CEP97: variants seen among roughly 807,000 people sequenced by gnomAD.
CEP97 encodes the protein centrosomal protein 97.
Under a neutral mutation model 73.1 loss-of-function variants are expected in CEP97, and 43 were observed. The ratio of observed to expected loss-of-function variants is 0.59; its 90% confidence interval spans 0.46 to 0.76. The LOEUF (loss-of-function observed/expected upper bound fraction) is 0.76, where lower values mean the gene tolerates loss of function less well. Among genes scored for constraint, CEP97 ranks in the 30% least tolerant of loss-of-function variants. The pLI is 0.00. For missense variants in CEP97, 939 were observed against 1,014.0 expected (o/e 0.93, Z 1.00); for synonymous variants, 337 against 370.0 (o/e 0.91, Z 1.02).
At chr3:101,726,803 ACCTG>A in intron 2 of CEP97, 67 bp downstream of exon 2, 2 of 1,236,882 alleles carry the variant, frequency 1.6e-6, no homozygotes, top group Admixed American at 2.5e-5. Context: ...CAATAAAATA[ACCTG>A]ACAAAAAGTA....
intron 6 of CEP97, among the ~76,000 whole-genome samples, chr3:101,755,210 A>G (rs935584896): frequency 3.3e-5 from 5 of 152,196 alleles, no homozygotes; most frequent in Admixed American, 1.3e-4. Flanking sequence ...TCCAAGCTCA[A>G]TGGAAGTGCC....
Position 101,757,714 on chromosome 3 carries a change from G to A in CEP97, c.1108G>A (p.Ala370Thr). The A allele has an allele frequency of 1.2e-6, 2 of 1,614,212 alleles. No individual in the cohort carries two copies. Among genetic ancestry groups the A allele is most frequent in the South Asian group, 2.2e-5 (2 of 91,090 alleles). ...QLFAVKNNFP[A>T]SVHTTRYSRN... ...ATTTGCGGTTAAGAATAATTTTCCAGCCTCTGTACACACTACGAGATATTC... is the reference window on the plus strand; with the variant it reads ...ATTTGCGGTTAAGAATAATTTTCCAACCTCTGTACACACTACGAGATATTC... The change falls in exon 9 of 11, where the codon GCC becomes ACC. Residue 370 changes from alanine (A) to threonine (T), a missense_variant. Coordinates refer to ENST00000341893, the MANE Select transcript of CEP97 (RefSeq NM_024548.4).
At position 101,766,234 on chromosome 3, in the gene CEP97, A is replaced by C. The variant is rs1379433922; in HGVS notation, c.*683A>C. The C allele has an allele frequency of 6.6e-6, 1 of 152,246 alleles. No individual in the cohort carries two copies. Among genetic ancestry groups the C allele is most frequent in the African/African-American group, 2.4e-5 (1 of 41,468 alleles). The allele number at this position is 152,246 out of a possible 1,614,324, so 9.4% of individuals were successfully genotyped here. ...AGTGTTCTATCCAGGATTAAAGTCA[A>C]GTTTACTTAGGCAACACAAGAATAT... On this transcript the variant is annotated 3_prime_UTR_variant, in exon 11 of 11. Transcript: ENST00000341893.
Position 101,769,930 on chromosome 3 carries a change from A to G in CEP97, c.*4379A>G, listed in dbSNP as rs1939418670. 1 of 152,254 alleles carries G rather than the reference A, an allele frequency of 6.6e-6. No individual in the cohort carries two copies. Among genetic ancestry groups the G allele is most frequent in the South Asian group, 2.1e-4 (1 of 4,838 alleles). The allele number at this position is 152,254 out of a possible 1,614,324, so 9.4% of individuals were successfully genotyped here. A position where few individuals can be genotyped will look rare whatever the true frequency, so the allele number is the denominator to read the frequency against. ...GTCTTCTTAAGATGAGGTGCTTTTTATCTGTGGATGAATGGAAATCACACT... is the reference window on the plus strand; with the variant it reads ...GTCTTCTTAAGATGAGGTGCTTTTTGTCTGTGGATGAATGGAAATCACACT... On this transcript the variant is annotated 3_prime_UTR_variant, in exon 11 of 11. Coordinates refer to ENST00000341893, the MANE Select transcript of CEP97 (RefSeq NM_024548.4).
chr3:101,725,132 A>T (rs1937837406), intron 1 of CEP97, among the ~76,000 whole-genome samples: 1 of 152,080 alleles, frequency 6.6e-6, no homozygotes, highest in Admixed American at 6.5e-5. Flanking sequence ...CATCAGGAAA[A>T]CCTTCCCTCA....
At position 101,731,943 on chromosome 3, in the gene CEP97, A is replaced by T. The variant is rs201862164; in HGVS notation, c.551A>T (p.Asp184Val). 6.3e-7 allele frequency: 1 copy of T among 1,581,660 alleles called. No homozygotes were observed. Among genetic ancestry groups the T allele is most frequent in the Non-Finnish European group, 8.7e-7 (1 of 1,151,128 alleles). ...ILSLAENEIRDLNEISFLASL... is the reference protein window; with the variant it reads ...ILSLAENEIRVLNEISFLASL... Reference sequence around the variant, plus strand: ...TCTTTGGCAGAAAATGAAATCCGAGACTTAAATGAGGTAAAATTTGAGGGT... The same window carrying T: ...TCTTTGGCAGAAAATGAAATCCGAGTCTTAAATGAGGTAAAATTTGAGGGT... The change falls in exon 5 of 11, where the codon GAC (aspartate) becomes GTC (valine). Residue 184 changes from aspartate (D) to valine (V), a missense_variant. By Grantham distance (152) the Asp-to-Val change is radical. Coordinates refer to ENST00000341893, the MANE Select transcript of CEP97 (RefSeq NM_024548.4).
At position 101,745,887 on chromosome 3, in the gene CEP97, C is replaced by T. The variant is rs575485101; in HGVS notation, c.729-9543C>T. 4.6e-5 allele frequency among the ~76,000 whole-genome samples: 7 copies of T among 152,142 alleles called. No individual in the cohort carries two copies. The South Asian group carries it at 1.5e-3, about 32-fold the overall frequency. ...ATCATCTAGCATTAGGTATATCTCC[C>T]AATGCTATCCCTCCCTGCTCCCCCC... is the stretch of plus-strand genomic sequence containing the variant. On this transcript the variant is annotated intron_variant, in intron 6 of 10. Coordinates refer to ENST00000341893, the MANE Select transcript of CEP97 (RefSeq NM_024548.4).
In CEP97 at chr3:101,752,986, CCA is replaced by C. The variant is rs1938882742; in HGVS notation, c.729-2443_729-2442del. Among the ~76,000 whole-genome samples, 3 of 152,106 alleles carry C rather than the reference CCA, an allele frequency of 2.0e-5. No individual in the cohort carries two copies. In the South Asian group the frequency reaches 6.2e-4, roughly 32 times the overall value. On this transcript the variant is annotated intron_variant, in intron 6 of 10. Transcript: ENST00000341893. ...AGAGGTGCTCTGGTTTTTAGAGTTT[CCA>C]GTTTTTCTGCTCTGTTTTTTCCCCA...
rs1333462125 is a variant in CEP97, at chr3:101,768,666, C to G, written c.*3115C>G. On this transcript the variant is annotated 3_prime_UTR_variant, in exon 11 of 11. Coordinates refer to ENST00000341893, the MANE Select transcript of CEP97 (RefSeq NM_024548.4). ...GCCTGGACAACATAGCAAGACCCCCCTCTCTACAAAAAAAATTTTTTTCTG... is the reference window on the plus strand; with the variant it reads ...GCCTGGACAACATAGCAAGACCCCCGTCTCTACAAAAAAAATTTTTTTCTG... 6.6e-6 allele frequency: 1 copy of G among 152,072 alleles called. No individual in the cohort carries two copies. The highest frequency in any genetic ancestry group is 1.5e-5 in the Non-Finnish European group (1 of 68,014). The allele number at this position is 152,072 out of a possible 1,614,324, so 9.4% of individuals were successfully genotyped here.
intron 6 of CEP97, among the ~76,000 whole-genome samples, chr3:101,740,408 A>G (rs1164170876): frequency 6.6e-6 from 1 of 152,208 alleles, no homozygotes; most frequent in Non-Finnish European, 1.5e-5. Flanking sequence ...ACAACTTACA[A>G]GGGATGTAAA....
chr3:101,758,669 A>G, intron 9 of CEP97: 1 of 478,260 alleles, frequency 2.1e-6, no homozygotes. Flanking sequence ...TAAATGTTCA[A>G]TGAACGTGAG....
intron 10 of CEP97, among the ~76,000 whole-genome samples, chr3:101,763,391 A>G (rs571773366): frequency 6.6e-6 from 1 of 152,074 alleles, no homozygotes; most frequent in South Asian, 2.1e-4. Flanking sequence ...CCAAAATAAT[A>G]CTGTTTAGTA....
At chr3:101,751,333 CTG>C (rs1368864216) in intron 6 of CEP97, among the ~76,000 whole-genome samples, 1 of 152,100 alleles carries the variant, frequency 6.6e-6, no homozygotes, top group Non-Finnish European at 1.5e-5. Context: ...TTACTTCTAA[CTG>C]TGTGGTCAAT....
intron 10 of CEP97, among the ~76,000 whole-genome samples, chr3:101,764,426 A>C (rs1939252977): frequency 6.6e-6 from 1 of 152,174 alleles, no homozygotes; most frequent in African/African-American, 2.4e-5. Context: ...AGCCTGACCA[A>C]CATGGGGAAA....
chr3:101,728,419 C>T (rs1176456744), intron 3 of CEP97, among the ~76,000 whole-genome samples: 1 of 152,062 alleles, frequency 6.6e-6, no homozygotes, highest in Non-Finnish European at 1.5e-5. Flanking sequence ...GCCCACCATG[C>T]CTGGCTAATT....
chr3:101,750,746 A>T (rs973846169), intron 6 of CEP97, among the ~76,000 whole-genome samples: 32 of 152,078 alleles, frequency 2.1e-4, no homozygotes, highest in African/African-American at 7.7e-4. Context: ...TTTCTGTAGG[A>T]TCGGTGGTGA....
intron 7 of CEP97, 107 bp from the exon 8 acceptor site, chr3:101,756,956 T>G: frequency 9.6e-7 from 1 of 1,042,984 alleles, no homozygotes; most frequent in South Asian, 1.8e-5. Context: ...AAGTACCTAC[T>G]TTGAGAACTT....
chr3:101,737,867 T>C (rs573112509), intron 6 of CEP97, among the ~76,000 whole-genome samples: 1 of 152,102 alleles, frequency 6.6e-6, no homozygotes, highest in South Asian at 2.1e-4. Flanking sequence ...AAATGGGCTA[T>C]TAGCCCAATT....
chr3:101,733,272 C>T (rs910228507), intron 6 of CEP97, among the ~76,000 whole-genome samples: 10 of 152,156 alleles, frequency 6.6e-5, no homozygotes, highest in African/African-American at 2.4e-4. Context: ...TGTTATAGAT[C>T]CTGTGTAGGA....
Sources: gnomAD v4.1 joint callset for allele counts (sites outside exome capture counted in the v4.1 genomes callset) on GRCh38, gnomAD v4.1.1 for gene constraint, MANE v1.5 for transcripts, NCBI Gene and HGNC (gene_info 2026-07-23, HGNC 2026-07-21) for gene names.